Variants in AGPAT3 observed in about 807,000 individuals in gnomAD.
AGPAT3 encodes 1-acylglycerol-3-phosphate O-acyltransferase 3, also known as 1-acyl-sn-glycerol-3-phosphate acyltransferase gamma.
AGPAT3 carries 5 observed loss-of-function variants against 47.3 expected under a neutral mutation model. The observed-to-expected ratio is 0.11, with a 90% CI of 0.06 to 0.22. The LOEUF is 0.22. AGPAT3 is among the 10% of genes least tolerant of loss of function. The probability of loss-of-function intolerance (pLI) is 1.00; values close to 1 mark genes in which losing one functional copy is unlikely to be tolerated. For synonymous variants in AGPAT3, 212 were observed against 208.3 expected (o/e 1.02, Z -0.15); for missense variants, 315 against 493.0 (o/e 0.64, Z 3.42).
chr21:43,905,728 T>G (rs1023092819), intron 2 of AGPAT3, among the ~76,000 whole-genome samples: 2 of 152,210 alleles, frequency 1.3e-5, no homozygotes, highest in Admixed American at 1.3e-4. Flanking sequence ...CAAAAGAAAC[T>G]TGAACTGTCC....
At chr21:43,926,716 T>C (rs1427250188) in intron 2 of AGPAT3, among the ~76,000 whole-genome samples, 1 of 142,262 alleles carries the variant, frequency 7.0e-6, no homozygotes, top group African/African-American at 2.6e-5. Context: ...TCCCAGCACT[T>C]TGGGAGGCCG....
chr21:43,902,248 C>T (rs1422388516), intron 1 of AGPAT3, among the ~76,000 whole-genome samples: 1 of 152,190 alleles, frequency 6.6e-6, no homozygotes, highest in Non-Finnish European at 1.5e-5. Flanking sequence ...GAATGCCTTT[C>T]AAATATCGAA....
rs1465889866 is a variant in AGPAT3 at position 43,939,814 on chromosome 21, G to T, written c.-48-19820G>T. Among the ~76,000 whole-genome samples, 2 of 152,322 alleles carry T rather than the reference G, an allele frequency of 1.3e-5. No homozygotes were observed. The highest frequency in any genetic ancestry group is 3.9e-4 in the East Asian group (2 of 5,188). On this transcript the variant is annotated intron_variant, in intron 2 of 9. Coordinates refer to ENST00000291572, the MANE Select transcript of AGPAT3 (RefSeq NM_020132.5). The surrounding 1 kb of genome is among the most constrained non-coding windows in gnomAD (Gnocchi z 4.4). ...CACTCTTAGGTCCCTGGTCCTAGGG[G>T]TCTGTGCTGGGGTGGGGCTCGTTGA... is the stretch of plus-strand genomic sequence containing the variant.
At chr21:43,898,454 C>T (rs757154841) in intron 1 of AGPAT3, among the ~76,000 whole-genome samples, 19 of 152,314 alleles carry the variant, frequency 1.2e-4, no homozygotes, top group African/African-American at 3.4e-4. Context: ...GTTTTACACT[C>T]GGGAATATCC....
chr21:43,888,857 C>T (rs564493830), intron 1 of AGPAT3, among the ~76,000 whole-genome samples: 1 of 152,196 alleles, frequency 6.6e-6, no homozygotes, highest in African/African-American at 2.4e-5. Flanking sequence ...GGCATGGTGG[C>T]ATGCGCCTGT....
chr21:43,876,311 GT>G (rs989467877), intron 1 of AGPAT3, among the ~76,000 whole-genome samples: 35 of 152,236 alleles, frequency 2.3e-4, no homozygotes, highest in African/African-American at 8.2e-4. Flanking sequence ...TTTCTTGAGG[GT>G]TGGACTCCGC....
intron 1 of AGPAT3, among the ~76,000 whole-genome samples, chr21:43,899,954 G>A (rs532237207): frequency 9.8e-5 from 15 of 152,300 alleles, no homozygotes; most frequent in East Asian, 5.8e-4. Context: ...TTGGAGCACC[G>A]CCTTCTTTTT....
intron 2 of AGPAT3, among the ~76,000 whole-genome samples, chr21:43,950,488 A>T (rs1293933264): frequency 6.6e-6 from 1 of 152,242 alleles, no homozygotes; most frequent in Admixed American, 6.5e-5. Context: ...TGTTTCATCT[A>T]AAATTTTAGT....
At chr21:43,917,497 G>T (rs1204388541) in intron 2 of AGPAT3, among the ~76,000 whole-genome samples, 1 of 152,192 alleles carries the variant, frequency 6.6e-6, no homozygotes, top group Non-Finnish European at 1.5e-5. Flanking sequence ...CAGTTTCTGT[G>T]ACCAAAACAC....
intron 1 of AGPAT3, among the ~76,000 whole-genome samples, chr21:43,877,948 C>T (rs1009034528): frequency 2.0e-5 from 3 of 152,076 alleles, no homozygotes; most frequent in African/African-American, 7.2e-5. Context: ...TCACGATTCC[C>T]CTTGCCCGCC....
intron 1 of AGPAT3, among the ~76,000 whole-genome samples, chr21:43,882,387 G>A (rs574465299): frequency 6.3e-4 from 96 of 152,388 alleles, no homozygotes; most frequent in Non-Finnish European, 8.4e-4. Flanking sequence ...TCTTGCACGC[G>A]TTTGCACTGG....
intron 1 of AGPAT3, among the ~76,000 whole-genome samples, chr21:43,897,817 C>G (rs1030222171): frequency 6.6e-6 from 1 of 152,128 alleles, no homozygotes; most frequent in African/African-American, 2.4e-5. Context: ...TGTAGCGAGC[C>G]GAGATCACGC....
chr21:43,875,646 T>C (rs13052200), intron 1 of AGPAT3, among the ~76,000 whole-genome samples: 97,780 of 152,200 alleles, frequency 0.64, 33,363 homozygotes, highest in Admixed American at 0.77. Context: ...CTTGCTCTGT[T>C]GCCCAGGCTG....
Position 43,901,716 on chromosome 21 carries a change from A to G in AGPAT3, c.-111-2241A>G, listed in dbSNP as rs150901315. Among the ~76,000 whole-genome samples the G allele has an allele frequency of 6.7e-4, 102 of 152,316 alleles. 1 individual carries two copies. In the East Asian group the frequency reaches 0.015, roughly 23 times the overall value. On this transcript the variant is annotated intron_variant, in intron 1 of 9. Coordinates refer to ENST00000291572, the MANE Select transcript of AGPAT3 (RefSeq NM_020132.5). ...TTGAGCCCAGGAAGGTTGAGGCTGC[A>G]GTGAGCCATGATCATACCATTGCAC...
rs368536410 is a variant in AGPAT3, at chr21:43,959,901, G to T, written c.178+42G>T. 24 of 1,559,790 alleles carry T rather than the reference G, an allele frequency of 1.5e-5. No homozygotes were observed. The East Asian group carries it at 4.7e-4, about 30-fold the overall frequency. Reference sequence around the variant, plus strand: ...CCAGTCCCTGCCGCCTGGGGCTCCCGTGGGGGTGGCGCGCGACCATGCACG... The same window carrying T: ...CCAGTCCCTGCCGCCTGGGGCTCCCTTGGGGGTGGCGCGCGACCATGCACG... On this transcript the variant is annotated intron_variant, in intron 3 of 9. Transcript: ENST00000291572.
At chr21:43,915,691 C>G (rs548614018) in intron 2 of AGPAT3, among the ~76,000 whole-genome samples, 1 of 152,040 alleles carries the variant, frequency 6.6e-6, no homozygotes, top group Non-Finnish European at 1.5e-5. Flanking sequence ...GGATTACAGG[C>G]GTGAGCTACT....
intron 2 of AGPAT3, among the ~76,000 whole-genome samples, chr21:43,949,351 T>C (rs564871227): frequency 1.3e-5 from 2 of 152,160 alleles, no homozygotes; most frequent in East Asian, 3.9e-4. Flanking sequence ...GTCATTGGAG[T>C]GGCTGTCGTC....
intron 2 of AGPAT3, among the ~76,000 whole-genome samples, chr21:43,929,524 G>A (rs544833871): frequency 1.3e-5 from 2 of 152,236 alleles, no homozygotes; most frequent in Admixed American, 6.5e-5. Context: ...GGGCAAGTGG[G>A]ATTGGCACAC....
intron 1 of AGPAT3, among the ~76,000 whole-genome samples, chr21:43,868,440 A>G (rs2085555683): frequency 6.6e-6 from 1 of 152,120 alleles, no homozygotes; most frequent in Non-Finnish European, 1.5e-5. Context: ...TCTTGGTGGG[A>G]CAGTGTGCCT....
Sources: allele counts gnomAD v4.1 joint callset (sites outside exome capture counted in the v4.1 genomes callset), GRCh38; gene constraint gnomAD v4.1.1; non-coding constraint Gnocchi (gnomAD v3.1); transcripts MANE v1.5; gene names NCBI Gene and HGNC (gene_info 2026-07-23, HGNC 2026-07-21).